Variants in INTS10 observed in about 807,000 individuals in gnomAD.
INTS10 encodes chromosome 8 open reading frame 35.
A neutral mutation model predicts 94.4 loss-of-function variants in INTS10; 44 were observed. That is an observed-to-expected ratio of 0.47 (90% CI 0.37 to 0.60). The LOEUF is 0.60. Ranked by LOEUF, INTS10 falls within the 20% of genes least tolerant of loss-of-function variation. INTS10 has a pLI of 0.00. For missense variants in INTS10, 797 were observed against 868.7 expected, an observed-to-expected ratio of 0.92 and a Z score of 1.04; for synonymous variants, 341 against 320.7, an observed-to-expected ratio of 1.06 and a Z score of -0.68.
At chr8:19,844,601 C>T (rs56001619) in intron 15 of INTS10, among the ~76,000 whole-genome samples, 2,210 of 152,226 alleles carry the variant, frequency 0.015, 55 homozygotes, top group African/African-American at 0.05. Context: ...AAAAGAATGC[C>T]TCCTGTAGCC....
At chr8:19,818,604 C>T (rs1346384229) in intron 2 of INTS10, 15 of 475,734 alleles carry the variant, frequency 3.2e-5, no homozygotes, top group Non-Finnish European at 5.3e-5. Context: ...GTGCTCATTA[C>T]AAAAATTCAA....
At chr8:19,824,678 A>G in intron 7 of INTS10, 125 bp from the exon 8 acceptor site, 1 of 609,694 alleles carries the variant, frequency 1.6e-6, no homozygotes, top group Non-Finnish European at 2.8e-6. Flanking sequence ...TGGACAATAA[A>G]GAATAGTTTT....
In INTS10 at chr8:19,818,313, C is replaced by T. The variant is rs2128749044; in HGVS notation, c.168C>T (p.Thr56=). 6 of 1,614,136 alleles carry T rather than the reference C, an allele frequency of 3.7e-6. No individual in the cohort carries two copies. The highest frequency in any genetic ancestry group is 1.1e-5 in the South Asian group (1 of 91,078). The change falls in exon 2 of 17, where the codon ACC becomes ACT. Residue 56 remains threonine (T), a synonymous_variant. Coordinates refer to ENST00000397977, the MANE Select transcript of INTS10 (RefSeq NM_018142.4). The part of the protein sequence containing the change: ...MYTIERNAER[T]ATAGRLLYDM... ...CCATCGAGCGGAATGCAGAGCGGACCGCCACCGCCGGGAGGCTGCTGTACG... is the reference window on the plus strand; with the variant it reads ...CCATCGAGCGGAATGCAGAGCGGACTGCCACCGCCGGGAGGCTGCTGTACG...
Position 19,833,726 on chromosome 8 carries a change from G to A in INTS10, c.1530+405G>A, listed in dbSNP as rs145754474. Reference sequence around the variant, plus strand: ...TTCTCTCTTTAAATGGTAATAACACGCCCGGGTGTGGTGGCTCACACCTAT... The same window carrying A: ...TTCTCTCTTTAAATGGTAATAACACACCCGGGTGTGGTGGCTCACACCTAT... On this transcript the variant is annotated intron_variant, in intron 12 of 16. Transcript: ENST00000397977. 5.5e-4 allele frequency among the ~76,000 whole-genome samples: 83 copies of A among 152,132 alleles called. 1 individual carries two copies. The Middle Eastern group carries it at 0.017, about 31-fold the overall frequency.
intron 12 of INTS10, among the ~76,000 whole-genome samples, chr8:19,834,374 G>C (rs1386859458): frequency 6.6e-6 from 1 of 152,136 alleles, no homozygotes; most frequent in Non-Finnish European, 1.5e-5. Context: ...TGGAGAATGT[G>C]TAAAGCATTC....
rs986229604 is a variant in INTS10 at position 19,845,963 on chromosome 8, T to C, written c.1976+166T>C. On this transcript the variant is annotated intron_variant, in intron 16 of 16. Transcript: ENST00000397977. ...TGGGTACCTTTTGAAAAACTTGCAT[T>C]TCCTTAACTACATTTCTTAAAACAC... The C allele has an allele frequency of 8.8e-5, 44 of 502,114 alleles. No homozygotes were observed. The Admixed American group carries it at 1.4e-3, about 16-fold the overall frequency. 31.1% of individuals were successfully genotyped at this position (502,114 alleles called of 1,614,324 possible). A position where few individuals can be genotyped will look rare whatever the true frequency, so the allele number is the denominator to read the frequency against.
At position 19,843,656 on chromosome 8, in the gene INTS10, A is replaced by G. The variant is rs1015708670; in HGVS notation, c.1720-420A>G. On this transcript the variant is annotated intron_variant, in intron 14 of 16. Coordinates refer to ENST00000397977, the MANE Select transcript of INTS10 (RefSeq NM_018142.4). The surrounding 1 kb of genome is among the most constrained non-coding windows in gnomAD (Gnocchi z 4.7). ...GGCTCACCACCTTTCCTTCTCTGCA[A>G]TCCCATGTTCTCTACAAACAGTTCT... 1.3e-5 allele frequency among the ~76,000 whole-genome samples: 2 copies of G among 152,200 alleles called. No homozygotes were observed. The highest frequency in any genetic ancestry group is 2.4e-5 in the African/African-American group (1 of 41,450).
intron 16 of INTS10, among the ~76,000 whole-genome samples, chr8:19,850,512 T>G (rs2128818374): frequency 6.6e-6 from 1 of 152,296 alleles, no homozygotes; most frequent in African/African-American, 2.4e-5. Flanking sequence ...CATCTGTTGT[T>G]TTACAATTTG....
chr8:19,827,531 G>A (rs1398715392), intron 9 of INTS10, among the ~76,000 whole-genome samples: 3 of 152,094 alleles, frequency 2.0e-5, no homozygotes, highest in African/African-American at 7.2e-5. Context: ...ACCATACCCT[G>A]GGCATCTGAG....
chr8:19,850,623 A>T (rs1389800373), intron 16 of INTS10, among the ~76,000 whole-genome samples: 2 of 152,066 alleles, frequency 1.3e-5, no homozygotes, highest in East Asian at 3.9e-4. Context: ...CCCAGAACAT[A>T]AAAAAATCTT....
Position 19,852,059 on chromosome 8 carries a change from A to G in INTS10, c.*254A>G, listed in dbSNP as rs1011233029. ...TGTTTTGTAAATAAAAATCATCCTA[A>G]AATTTGAAGTTTTTAAAAATTTAAT... On this transcript the variant is annotated 3_prime_UTR_variant, in exon 17 of 17. Transcript: ENST00000397977. 4 of 315,068 alleles carry G rather than the reference A, an allele frequency of 1.3e-5. No homozygotes were observed. The highest frequency in any genetic ancestry group is 1.7e-5 in the Non-Finnish European group (3 of 172,158). 19.5% of individuals were successfully genotyped at this position (315,068 alleles called of 1,614,324 possible).
intron 13 of INTS10, among the ~76,000 whole-genome samples, chr8:19,840,296 G>A (rs971972379): frequency 2.0e-5 from 3 of 151,988 alleles, no homozygotes; most frequent in African/African-American, 7.3e-5. Context: ...TTTGAAAATG[G>A]ACAGATCATG....
chr8:19,837,077 T>G lies in INTS10; in HGVS notation c.1556T>G (p.Leu519Trp). 6.2e-7 allele frequency: 1 copy of G among 1,613,464 alleles called. No homozygotes were observed. Among genetic ancestry groups the G allele is most frequent in the Non-Finnish European group, 8.5e-7 (1 of 1,179,368 alleles). ...ATGACATGTGAAAAAGTCCTTGATT[T>G]GATGTGCTACATGGTACTCCCCATT... is the stretch of plus-strand genomic sequence containing the variant. ...YRMTCEKVLD[L>W]MCYMVLPIQD... Residue 519 changes from leucine (L) to tryptophan (W), a missense_variant, in exon 13 of 17, where the codon TTG (leucine) becomes TGG (tryptophan). Leu to Trp is a moderately conservative substitution (Grantham distance 61). Around this residue, in one of 3 missense-constraint regions of INTS10, gnomAD observed 734 missense variants for 787.8 expected, o/e 0.93. Transcript: ENST00000397977.
At chr8:19,823,850 G>A (rs750278966) in intron 6 of INTS10, 23 bp from the exon 7 acceptor site, 1 of 1,557,444 alleles carries the variant, frequency 6.4e-7, no homozygotes, top group Non-Finnish European at 8.7e-7. Flanking sequence ...TTAATTGTAG[G>A]CTACTTTTTT....
chr8:19,851,245 G>C lies in INTS10; in HGVS notation c.1977-404G>C, dbSNP rs1357867768. ...TCAGGTCTCCTCCCTCCTTGCTGCT[G>C]CCTCTGGAGGGTCTGCTGGCCGGGC... On this transcript the variant is annotated intron_variant, in intron 16 of 16. Coordinates refer to ENST00000397977, the MANE Select transcript of INTS10 (RefSeq NM_018142.4). The surrounding 1 kb of genome is among the most constrained non-coding windows in gnomAD (Gnocchi z 5.0). Among the ~76,000 whole-genome samples the C allele has an allele frequency of 6.6e-6, 1 of 152,190 alleles. No homozygotes were observed. The highest frequency in any genetic ancestry group is 1.5e-5 in the Non-Finnish European group (1 of 68,046).
At position 19,852,028 on chromosome 8, in the gene INTS10, C is replaced by T. The variant is rs2128821210; in HGVS notation, c.*223C>T. On this transcript the variant is annotated 3_prime_UTR_variant, in exon 17 of 17. Coordinates refer to ENST00000397977, the MANE Select transcript of INTS10 (RefSeq NM_018142.4). The stretch of plus-strand genomic sequence containing the variant: ...TTGTAATTTTTGTAAAACAAAAGTA[C>T]CAATCTGTTTTGTAAATAAAAATCA... 1 of 373,688 alleles carries T rather than the reference C, an allele frequency of 2.7e-6. No homozygotes were observed. Among genetic ancestry groups the T allele is most frequent in the Non-Finnish European group, 4.8e-6 (1 of 208,384 alleles). 23.1% of individuals were successfully genotyped at this position (373,688 alleles called of 1,614,324 possible). A position where few individuals can be genotyped will look rare whatever the true frequency, so the allele number is the denominator to read the frequency against.
rs557483202 is a variant in INTS10 at position 19,825,197 on chromosome 8, C to T, written c.1006+225C>T. ...TATATCAAAGGGCGTAATGGTACTG[C>T]ACAACTAAAAAGAGATATCAAATGC... On this transcript the variant is annotated intron_variant, in intron 8 of 16. Transcript: ENST00000397977. Among the ~76,000 whole-genome samples the T allele has an allele frequency of 2.6e-5, 4 of 152,188 alleles. No individual in the cohort carries two copies. The East Asian group carries it at 7.7e-4, about 29-fold the overall frequency.
chr8:19,845,811 C>G lies in INTS10; in HGVS notation c.1976+14C>G. The G allele has an allele frequency of 2.5e-6, 4 of 1,575,312 alleles. No individual in the cohort carries two copies. The highest frequency in any genetic ancestry group is 2.6e-6 in the Non-Finnish European group (3 of 1,144,650). On this transcript the variant is annotated intron_variant, in intron 16 of 16. Transcript: ENST00000397977. ...AATGCTGATCAAGTAAGCATGTTCT[C>G]TTTTGCTCTTCCATGCTGAGTGCTC... is the stretch of plus-strand genomic sequence containing the variant.
At chr8:19,839,300 G>A (rs1484784418) in intron 13 of INTS10, among the ~76,000 whole-genome samples, 1 of 152,166 alleles carries the variant, frequency 6.6e-6, no homozygotes, top group Non-Finnish European at 1.5e-5. Context: ...AAGGATGTCT[G>A]CCCTCACCAC....
Sources: allele counts gnomAD v4.1 joint callset (sites outside exome capture counted in the v4.1 genomes callset), GRCh38; gene constraint gnomAD v4.1.1; regional missense constraint gnomAD v4.1.1; non-coding constraint Gnocchi (gnomAD v3.1); transcripts MANE v1.5; gene names NCBI Gene and HGNC (gene_info 2026-07-23, HGNC 2026-07-21).